Variants in NUP50 observed in about 807,000 individuals in gnomAD.
NUP50 encodes the protein nucleoporin 50.
In NUP50, 14 loss-of-function variants were observed where a neutral mutation model predicts 36.8. That is an observed-to-expected ratio of 0.38 (90% confidence interval 0.25 to 0.59). The LOEUF is 0.59. Among genes scored for constraint, NUP50 ranks in the 20% least tolerant of loss-of-function variants. The probability of loss-of-function intolerance (pLI) is 0.63; values close to 1 mark genes in which losing one functional copy is unlikely to be tolerated. For synonymous variants in NUP50, 195 were observed against 210.8 expected (o/e 0.93, Z 0.65); for missense variants, 455 against 564.6 (o/e 0.81, Z 1.97).
chr22:45,167,781 A>G (rs1214833928), intron 1 of NUP50, among the ~76,000 whole-genome samples: 1 of 152,238 alleles, frequency 6.6e-6, no homozygotes, highest in Non-Finnish European at 1.5e-5. Flanking sequence ...TTTCTTTATG[A>G]CAAGACTTTC....
intron 5 of NUP50, among the ~76,000 whole-genome samples, chr22:45,179,816 C>T (rs991762010): frequency 2.6e-4 from 39 of 152,120 alleles, no homozygotes; most frequent in African/African-American, 8.0e-4. Flanking sequence ...CTCAGAAGTT[C>T]AAGGTTGCCA....
intron 5 of NUP50, among the ~76,000 whole-genome samples, chr22:45,180,735 G>C (rs537301461): frequency 5.3e-5 from 8 of 152,206 alleles, no homozygotes; most frequent in African/African-American, 1.7e-4. Context: ...CCCCGTTAGT[G>C]GGGATACCTT....
chr22:45,165,552 T>C (rs1290328172), intron 1 of NUP50, among the ~76,000 whole-genome samples: 1 of 152,242 alleles, frequency 6.6e-6, no homozygotes, highest in Non-Finnish European at 1.5e-5. Context: ...CCAGGCCTTG[T>C]TCTGAATATT....
At chr22:45,183,666 A>G (rs1057223558) in intron 7 of NUP50, 146 bp downstream of exon 7, 1 of 641,092 alleles carries the variant, frequency 1.6e-6, no homozygotes, top group Non-Finnish European at 2.8e-6. Flanking sequence ...TATAGTTTTG[A>G]GTCCCAGGAT....
chr22:45,171,699 C>A lies in NUP50; in HGVS notation c.153+16C>A, dbSNP rs132881. 277,927 of 1,604,900 alleles carry A rather than the reference C, an allele frequency of 0.17. 28,867 individuals are homozygous for A. The highest frequency in any genetic ancestry group is 0.55 in the East Asian group (24,519 of 44,822). On this transcript the variant is annotated intron_variant, in intron 3 of 7. Coordinates refer to ENST00000347635, the MANE Select transcript of NUP50 (RefSeq NM_007172.4). ...TGGATTTGAAGTGAGTGCCCCCTTA[C>A]AGCTCTTGCTATTAAATACTCATTT...
At chr22:45,174,056 A>G (rs928222637) in intron 3 of NUP50, among the ~76,000 whole-genome samples, 2 of 152,212 alleles carry the variant, frequency 1.3e-5, no homozygotes, top group Non-Finnish European at 2.9e-5. Flanking sequence ...GCCCTATGGA[A>G]GAGAACAAAT....
At chr22:45,171,563 T>A in intron 2 of NUP50, 37 bp from the exon 3 acceptor site, 1 of 1,564,582 alleles carries the variant, frequency 6.4e-7, no homozygotes, top group Non-Finnish European at 8.8e-7. Context: ...TCTGTTTGGC[T>A]TTATCTTACT....
chr22:45,169,381 A>G (rs974156268), intron 2 of NUP50, among the ~76,000 whole-genome samples: 2 of 152,180 alleles, frequency 1.3e-5, no homozygotes, highest in African/African-American at 2.4e-5. Context: ...AAAACAAAGA[A>G]TAAAACACAG....
At chr22:45,177,667 A>T (rs2074297852) in intron 4 of NUP50, 1 of 153,088 alleles carries the variant, frequency 6.5e-6, no homozygotes, top group Admixed American at 6.5e-5. Context: ...CACATCTCAG[A>T]TAGGCGTCCT....
intron 2 of NUP50, among the ~76,000 whole-genome samples, chr22:45,168,783 C>T (rs2074135587): frequency 1.3e-5 from 2 of 152,038 alleles, no homozygotes; most frequent in South Asian, 2.1e-4. Context: ...TTGAGATTGG[C>T]CTAGTTCCTT....
rs916029176 is a variant in NUP50, at chr22:45,187,796, C to G, written c.*3141C>G. On this transcript the variant is annotated 3_prime_UTR_variant, in exon 8 of 8. Coordinates refer to ENST00000347635, the MANE Select transcript of NUP50 (RefSeq NM_007172.4). ...ATCATACTGAGGACGAAGGACTCTC[C>G]GTTTGATGCAGACACAATTGTAATG... 5.2e-5 allele frequency: 8 copies of G among 152,526 alleles called. No individual in the cohort carries two copies. Among genetic ancestry groups the G allele is most frequent in the African/African-American group, 1.9e-4 (8 of 41,408 alleles). 9.4% of individuals were successfully genotyped at this position (152,526 alleles called of 1,614,324 possible). A position where few individuals can be genotyped will look rare whatever the true frequency, so the allele number is the denominator to read the frequency against.
chr22:45,179,087 C>T (rs1308875533), intron 5 of NUP50, 187 bp downstream of exon 5: 7 of 540,502 alleles, frequency 1.3e-5, no homozygotes, highest in African/African-American at 1.9e-5. Context: ...AAGAGTAAGA[C>T]TTTTGTAGGG....
rs570379996 is a variant in NUP50 at position 45,171,472 on chromosome 22, G to T, written c.70-128G>T. 1,231 of 869,744 alleles carry T rather than the reference G, an allele frequency of 1.4e-3. 10 individuals carry two copies. In the African/African-American group the frequency reaches 0.018, roughly 13 times the overall value. The allele number at this position is 869,744 out of a possible 1,614,324, so 53.9% of individuals were successfully genotyped here. Reference sequence around the variant, plus strand: ...GCTAGTATTATAGGCGCAAGCCATTGTGCCTGGCCAAAATTTATTTTTGAG... The same window carrying T: ...GCTAGTATTATAGGCGCAAGCCATTTTGCCTGGCCAAAATTTATTTTTGAG... On this transcript the variant is annotated intron_variant, in intron 2 of 7. Transcript: ENST00000347635.
At chr22:45,182,608 A>G (rs3788638) in intron 6 of NUP50, among the ~76,000 whole-genome samples, 69,855 of 145,152 alleles carry the variant, frequency 0.48, 17,135 homozygotes, top group Middle Eastern at 0.54. Context: ...AAAAACTGAA[A>G]GAGCCTTGAG....
At position 45,178,246 on chromosome 22, in the gene NUP50, G is replaced by T; in HGVS notation, c.349G>T (p.Ala117Ser). The T allele has an allele frequency of 6.2e-7, 1 of 1,612,294 alleles. No individual in the cohort carries two copies. The highest frequency in any genetic ancestry group is 8.5e-7 in the Non-Finnish European group (1 of 1,178,998). Reference sequence around the variant, plus strand: ...TTATTAACTTTCTATAGGTTCTCTTGCTGCAAATGGCCCTACCACCTTGGT... The same window carrying T: ...TTATTAACTTTCTATAGGTTCTCTTTCTGCAAATGGCCCTACCACCTTGGT... ...ADPKVAFGSL[A>S]ANGPTTLVDK... Residue 117 changes from alanine (A) to serine (S), a missense_variant, in exon 5 of 8, where the codon GCT (alanine) becomes TCT (serine). Ala to Ser is a moderately conservative substitution (Grantham distance 99). Transcript: ENST00000347635.
Position 45,184,492 on chromosome 22 carries a change from C to T in NUP50, c.1244C>T (p.Pro415Leu), listed in dbSNP as rs764802427. The part of the protein sequence containing the change: ...LLNVLIPPNM[P>L]CTRTGKNNVL... ...AACGTTCTGATTCCACCCAATATGC[C>T]ATGTACGCGAACAGGGAAGAATAAC... Residue 415 changes from proline to leucine, a missense_variant, in exon 8 of 8, where the codon CCA (proline) becomes CTA (leucine). This residue lies in a region of NUP50 where 287 missense variants were observed against 345.5 expected (regional missense o/e 0.83). Coordinates refer to ENST00000347635, the MANE Select transcript of NUP50 (RefSeq NM_007172.4). 9.3e-6 allele frequency: 15 copies of T among 1,613,846 alleles called. No individual in the cohort carries two copies. In the East Asian group the frequency reaches 2.9e-4, roughly 31 times the overall value.
intron 2 of NUP50, among the ~76,000 whole-genome samples, chr22:45,170,618 A>G (rs1158835573): frequency 6.6e-6 from 1 of 152,156 alleles, no homozygotes; most frequent in Non-Finnish European, 1.5e-5. Flanking sequence ...CAAGGATGTG[A>G]GTGTTTTGAC....
chr22:45,181,767 C>T (rs935363724), intron 6 of NUP50, among the ~76,000 whole-genome samples: 11 of 152,274 alleles, frequency 7.2e-5, no homozygotes, highest in Non-Finnish European at 1.6e-4. Context: ...CATCTCTCAT[C>T]CCTTCCTGGA....
In NUP50 at chr22:45,173,672, A is replaced by G. The variant is rs147812067; in HGVS notation, c.153+1989A>G. 3.2e-3 allele frequency among the ~76,000 whole-genome samples: 489 copies of G among 152,286 alleles called. 1 individual carries two copies. The highest frequency in any genetic ancestry group is 0.01 in the African/African-American group (420 of 41,538). ...AGGCATGCAGGTGGAGGGTCCTACG[A>G]GGAGTGAGAAACAAAGCTCACTGCA... On this transcript the variant is annotated intron_variant, in intron 3 of 7. Coordinates refer to ENST00000347635, the MANE Select transcript of NUP50 (RefSeq NM_007172.4).
Sources: gnomAD v4.1 joint callset for allele counts (sites outside exome capture counted in the v4.1 genomes callset) on GRCh38, gnomAD v4.1.1 for gene constraint, gnomAD v4.1.1 regional missense constraint, MANE v1.5 for transcripts, NCBI Gene and HGNC (gene_info 2026-07-23, HGNC 2026-07-21) for gene names.